Variants in CFAP65 observed in about 807,000 individuals in gnomAD.
The protein encoded by CFAP65 is cilia- and flagella-associated protein 65.
In CFAP65, 155 loss-of-function variants were observed where a neutral mutation model predicts 208.0. The observed-to-expected ratio is 0.75, with a 90% CI of 0.65 to 0.85. CFAP65 has a LOEUF of 0.85. Ranked by LOEUF, CFAP65 falls within the 40% of genes least tolerant of loss-of-function variation. The probability of loss-of-function intolerance (pLI) is 0.00; values close to 1 mark genes in which losing one functional copy is unlikely to be tolerated. For missense variants in CFAP65, 2,294 were observed against 2,451.3 expected (o/e 0.94, Z 1.36); for synonymous variants, 970 against 986.3 (o/e 0.98, Z 0.31).
At chr2:219,024,327 C>A in intron 14 of CFAP65, 67 bp from the exon 15 acceptor site, 1 of 1,535,058 alleles carries the variant, frequency 6.5e-7, no homozygotes, top group Non-Finnish European at 8.8e-7. Flanking sequence ...ACACTCAGGG[C>A]CCTATGGGGG....
intron 21 of CFAP65, chr2:219,015,818 A>G (rs979576475): frequency 1.3e-5 from 2 of 152,264 alleles, no homozygotes; most frequent in Non-Finnish European, 2.9e-5. Flanking sequence ...GGAGTGATTT[A>G]ACGATTTAAA....
intron 26 of CFAP65, 86 bp downstream of exon 26, chr2:219,010,460 C>A (rs1946396907): frequency 7.0e-7 from 1 of 1,422,628 alleles, no homozygotes; most frequent in Non-Finnish European, 9.5e-7. Context: ...ATGTCCCTCC[C>A]AGCCTCCCCA....
At chr2:219,009,583 GGATGGGACAA>G (rs1946285231) in intron 27 of CFAP65, 123 bp from the exon 28 acceptor site, 1 of 670,828 alleles carries the variant, frequency 1.5e-6, no homozygotes. Flanking sequence ...GGATGGGATA[GGATGGGACAA>G]GATGGGATGG....
chr2:219,020,672 G>A (rs1180952662), intron 19 of CFAP65, among the ~76,000 whole-genome samples: 3 of 152,164 alleles, frequency 2.0e-5, no homozygotes, highest in Non-Finnish European at 4.4e-5. Context: ...GAGCCACCAT[G>A]CCCAGCTTAT....
chr2:219,013,933 G>A lies in CFAP65; in HGVS notation c.3714C>T (p.Phe1238=), dbSNP rs1233188082. The A allele has an allele frequency of 3.1e-6, 5 of 1,613,924 alleles. No individual in the cohort carries two copies. Among genetic ancestry groups the A allele is most frequent in the African/African-American group, 2.7e-5 (2 of 74,928 alleles). The change falls in exon 22 of 35, where the codon TTC becomes TTT. Residue 1238 remains phenylalanine (F), a synonymous_variant. Transcript: ENST00000341552. ...HQMRVQDNCL[F]SISPKAGSLS... is the part of the protein sequence containing the mutation. ...GGCTCCCAGCCTTGGGGCTGATGGA[G>A]AAGAGGCAATTGTCCTGCACGCGCA... is the stretch of plus-strand genomic sequence containing the variant.
chr2:219,005,232 C>T (rs1283257828), intron 32 of CFAP65, among the ~76,000 whole-genome samples: 1 of 152,046 alleles, frequency 6.6e-6, no homozygotes, highest in Non-Finnish European at 1.5e-5. Flanking sequence ...TGCTATGTTG[C>T]CCACGCTGGT....
In CFAP65 at chr2:219,027,700, G is replaced by A. The variant is rs1454750949; in HGVS notation, c.2161C>T (p.His721Tyr). Residue 721 changes from histidine to tyrosine, a missense_variant, in exon 13 of 35, where the codon CAC becomes TAC. Transcript: ENST00000341552. ...MAMRLHFQPP[H>Y]PNCLYTVELE... ...TCCACCGTGTAAAGGCAGTTGGGGT[G>A]AGGCGGCTGGAAGTGCAGGCGCATG... 1.9e-6 allele frequency: 3 copies of A among 1,613,962 alleles called. No homozygotes were observed. Among genetic ancestry groups the A allele is most frequent in the African/African-American group, 2.7e-5 (2 of 74,944 alleles).
In CFAP65 at chr2:219,022,247, G is replaced by C; in HGVS notation, c.2903C>G (p.Ser968Cys). ...GGTGGCAGCGGGGTTGGCATTTGGG[G>C]ACAGGCCGGCTTCCCAGACCCACAT... ...VGMWVWEAGL[S>C]PNANPAATTH... Residue 968 changes from serine to cysteine, a missense_variant, in exon 17 of 35, where the codon TCC (serine) becomes TGC (cysteine). Physicochemically the swap from Ser to Cys is moderately radical, Grantham distance 112. Transcript: ENST00000341552. 3 of 1,606,656 alleles carry C rather than the reference G, an allele frequency of 1.9e-6. No individual in the cohort carries two copies. The highest frequency in any genetic ancestry group is 2.5e-6 in the Non-Finnish European group (3 of 1,176,854).
Position 219,003,280 on chromosome 2 carries a change from G to GGGGCGGGGGCTAGCATGA in CFAP65, c.5556-26_5556-9dup. 1 of 1,525,970 alleles carries GGGGCGGGGGCTAGCATGA rather than the reference G, an allele frequency of 6.6e-7. No homozygotes were observed. The highest frequency in any genetic ancestry group is 8.8e-7 in the Non-Finnish European group (1 of 1,134,408). 94.5% of individuals were successfully genotyped at this position (1,525,970 alleles called of 1,614,324 possible). On this transcript the variant is annotated splice_polypyrimidine_tract_variant and intron_variant, in intron 33 of 34. Transcript: ENST00000341552. The surrounding 1 kb of genome is among the most constrained non-coding windows in gnomAD (Gnocchi z 4.4). The stretch of plus-strand genomic sequence containing the variant: ...TTGGCGAAGGCCGGGAGCCTGCGAG[G>GGGGCGGGGGCTAGCATGA]GGGCGGGGGCTAGCATGAGGGCGGC...
At chr2:219,013,794 A>T in intron 22 of CFAP65, 74 bp downstream of exon 22, 1 of 1,392,166 alleles carries the variant, frequency 7.2e-7, no homozygotes, top group Non-Finnish European at 1.0e-6. Flanking sequence ...GGTGCCCTGG[A>T]GTCATACAAT....
In CFAP65 at chr2:219,004,918, T is replaced by TC. The variant is rs1181783945; in HGVS notation, c.5052-464dup. ...CTCTCTATTTCTCTCTTTCTTTCTC[T>TC]CTCTTTCTCTCCTCTTTTTTCTTTC... On this transcript the variant is annotated intron_variant, in intron 32 of 34. Coordinates refer to ENST00000341552, the MANE Select transcript of CFAP65 (RefSeq NM_194302.4). This position sits in a 1 kb window ranked among gnomAD's most constrained non-coding sequence, Gnocchi z 4.7. 1.3e-5 allele frequency among the ~76,000 whole-genome samples: 2 copies of TC among 151,782 alleles called. No homozygotes were observed. Among genetic ancestry groups the TC allele is most frequent in the African/African-American group, 4.9e-5 (2 of 41,218 alleles).
chr2:219,038,844 C>T (rs1256416052), intron 3 of CFAP65, 52 bp downstream of exon 3: 12 of 1,558,062 alleles, frequency 7.7e-6, no homozygotes, highest in Non-Finnish European at 9.6e-6. Flanking sequence ...CATGGCCACA[C>T]TTGGCACTGC....
chr2:219,039,992 T>C (rs1948573902), intron 2 of CFAP65, among the ~76,000 whole-genome samples: 2 of 151,748 alleles, frequency 1.3e-5, no homozygotes, highest in African/African-American at 4.8e-5. Context: ...CCAGGCAGTG[T>C]TGTAAAGTCC....
intron 21 of CFAP65, 40 bp downstream of exon 21, chr2:219,019,011 T>C: frequency 3.7e-6 from 6 of 1,613,552 alleles, no homozygotes; most frequent in Non-Finnish European, 5.1e-6. Context: ...CTCTAGGCAC[T>C]TGTCTCCCAG....
intron 29 of CFAP65, 24 bp downstream of exon 29, chr2:219,009,023 T>G: frequency 3.2e-3 from 4,874 of 1,508,460 alleles, no homozygotes; most frequent in Non-Finnish European, 4.1e-3. Context: ...TCTGGGTGTT[T>G]GAGATCTACT....
chr2:219,004,544 A>G lies in CFAP65; in HGVS notation c.5052-89T>C. 1 of 1,428,852 alleles carries G rather than the reference A, an allele frequency of 7.0e-7. No homozygotes were observed. The highest frequency in any genetic ancestry group is 9.5e-7 in the Non-Finnish European group (1 of 1,057,880). 88.5% of individuals were successfully genotyped at this position (1,428,852 alleles called of 1,614,324 possible). A position where few individuals can be genotyped will look rare whatever the true frequency, so the allele number is the denominator to read the frequency against. On this transcript the variant is annotated intron_variant, in intron 32 of 34. Transcript: ENST00000341552. This position sits in a 1 kb window ranked among gnomAD's most constrained non-coding sequence, Gnocchi z 4.7. ...GCTTCAGAGCTAGGTTCTAGGTGGG[A>G]AAGGGGCTGCTAGGTGGGGAGAGGG...
In CFAP65 at chr2:219,038,356, G is replaced by T. The variant is rs368064490; in HGVS notation, c.357+19C>A. ...GGCCCTGCCACACCCTGCTCTGCCT[G>T]CCCTGGCTGTATCCTTACCTGGGCG... On this transcript the variant is annotated intron_variant, in intron 4 of 34. Coordinates refer to ENST00000341552, the MANE Select transcript of CFAP65 (RefSeq NM_194302.4). The T allele has an allele frequency of 6.2e-7, 1 of 1,611,486 alleles. No individual in the cohort carries two copies. Among genetic ancestry groups the T allele is most frequent in the Non-Finnish European group, 8.5e-7 (1 of 1,179,618 alleles).
At chr2:219,011,743 A>C (rs1946502165) in intron 24 of CFAP65, among the ~76,000 whole-genome samples, 1 of 152,204 alleles carries the variant, frequency 6.6e-6, no homozygotes, top group African/African-American at 2.4e-5. Flanking sequence ...GAGAGAATAG[A>C]GTCCATCTGG....
At position 219,002,880 on chromosome 2, in the gene CFAP65, G is replaced by T; in HGVS notation, c.*57C>A. On this transcript the variant is annotated 3_prime_UTR_variant, in exon 35 of 35. Transcript: ENST00000341552. This position sits in a 1 kb window ranked among gnomAD's most constrained non-coding sequence, Gnocchi z 7.9. Reference sequence around the variant, plus strand: ...AAGACTAGATGCTTTTACTGGCGGTGGAGAGGGGGCCAGGCGTGACCCCTA... The same window carrying T: ...AAGACTAGATGCTTTTACTGGCGGTTGAGAGGGGGCCAGGCGTGACCCCTA... 1 of 1,415,236 alleles carries T rather than the reference G, an allele frequency of 7.1e-7. No individual in the cohort carries two copies. Among genetic ancestry groups the T allele is most frequent in the Non-Finnish European group, 9.8e-7 (1 of 1,021,852 alleles). 87.7% of individuals were successfully genotyped at this position (1,415,236 alleles called of 1,614,324 possible).
Sources: allele counts gnomAD v4.1 joint callset (sites outside exome capture counted in the v4.1 genomes callset), GRCh38; gene constraint gnomAD v4.1.1; non-coding constraint Gnocchi (gnomAD v3.1); transcripts MANE v1.5; gene names NCBI Gene and HGNC (gene_info 2026-07-23, HGNC 2026-07-21).